The following LIPE variants were observed in gnomAD, a reference collection of about 807,000 sequenced individuals.
The protein encoded by LIPE is lipase E, hormone sensitive type.
A neutral mutation model predicts 88.5 loss-of-function variants in LIPE; 66 were observed. The observed-to-expected ratio is 0.75, with a 90% confidence interval of 0.61 to 0.91. The LOEUF is 0.91. Among genes scored for constraint, LIPE ranks in the 40% least tolerant of loss-of-function variants. The probability of loss-of-function intolerance (pLI) is 0.00; values close to 1 mark genes in which losing one functional copy is unlikely to be tolerated. For synonymous variants in LIPE, 570 were observed against 617.5 expected (o/e 0.92, Z 1.14); for missense variants, 1,346 against 1,434.7 (o/e 0.94, Z 1.00).
In LIPE at chr19:42,405,961, G is replaced by GTCTGTC. The variant is rs1555788409; in HGVS notation, c.2365+199_2365+200insGACAGA. 4.0e-4 allele frequency: 197 copies of GTCTGTC among 491,374 alleles called. 1 individual carries two copies. Among genetic ancestry groups the GTCTGTC allele is most frequent in the African/African-American group, 3.5e-3 (168 of 47,740 alleles). The allele number at this position is 491,374 out of a possible 1,614,324, so 30.4% of individuals were successfully genotyped here. A position where few individuals can be genotyped will look rare whatever the true frequency, so the allele number is the denominator to read the frequency against. On this transcript the variant is annotated intron_variant, in intron 7 of 9. Transcript: ENST00000244289. ...GCGACATGACACCTTGTGTCTGTCT[G>GTCTGTC]TCTCTCTCTCTCTCTCACACACACA... is the stretch of plus-strand genomic sequence containing the variant.
chr19:42,403,361 T>C (rs1433674363), intron 8 of LIPE, among the ~76,000 whole-genome samples: 1 of 151,324 alleles, frequency 6.6e-6, no homozygotes, highest in Non-Finnish European at 1.5e-5. Flanking sequence ...GAAATGAAAA[T>C]AGTCCTTGGT....
intron 1 of LIPE, among the ~76,000 whole-genome samples, chr19:42,413,576 G>C (rs2040428421): frequency 6.6e-6 from 1 of 152,244 alleles, no homozygotes; most frequent in African/African-American, 2.4e-5. Context: ...GGAGGCAGGA[G>C]AATGGTGTGA....
In LIPE at chr19:42,414,456, T is replaced by C. The variant is rs1389403292; in HGVS notation, c.884-3614A>G. ...GAGACATAATTTATAAGTGGGGCCATGGCCGGCATGTTCTGCATGTGGTTT... is the reference window on the plus strand; with the variant it reads ...GAGACATAATTTATAAGTGGGGCCACGGCCGGCATGTTCTGCATGTGGTTT... On this transcript the variant is annotated intron_variant, in intron 1 of 9. Transcript: ENST00000244289. This position sits in a 1 kb window ranked among gnomAD's most constrained non-coding sequence, Gnocchi z 4.6. Among the ~76,000 whole-genome samples the C allele has an allele frequency of 6.6e-6, 1 of 152,242 alleles. No homozygotes were observed. Among genetic ancestry groups the C allele is most frequent in the African/African-American group, 2.4e-5 (1 of 41,470 alleles).
At position 42,407,881 on chromosome 19, in the gene LIPE, G is replaced by A. The variant is rs2040239918; in HGVS notation, c.1657-90C>T. ...CCTCTGATCCCCAGTCTTTCCCCTT[G>A]TGTGCCATCCCTGGGCCTGGAGCCC... On this transcript the variant is annotated intron_variant, in intron 4 of 9. Transcript: ENST00000244289. The surrounding 1 kb of genome is among the most constrained non-coding windows in gnomAD (Gnocchi z 5.8). 1 of 1,560,886 alleles carries A rather than the reference G, an allele frequency of 6.4e-7. No homozygotes were observed. Among genetic ancestry groups the A allele is most frequent in the Non-Finnish European group, 8.7e-7 (1 of 1,154,342 alleles).
In LIPE at chr19:42,410,001, C is replaced by T. The variant is rs548553488; in HGVS notation, c.1419+306G>A. Among the ~76,000 whole-genome samples the T allele has an allele frequency of 1.5e-4, 23 of 152,182 alleles. No homozygotes were observed. The South Asian group carries it at 4.4e-3, about 29-fold the overall frequency. ...TCTCAAACTCAAGTGACTTCAGGGG[C>T]CAGACAGGTAACAAAGAGTGAATAC... On this transcript the variant is annotated intron_variant, in intron 2 of 9. Transcript: ENST00000244289. This position sits in a 1 kb window ranked among gnomAD's most constrained non-coding sequence, Gnocchi z 6.1.
At chr19:42,424,473 G>C (rs1003918453) in intron 1 of LIPE, 4 of 456,348 alleles carry the variant, frequency 8.8e-6, no homozygotes, top group African/African-American at 6.0e-5. Flanking sequence ...GTGCTCTGGA[G>C]GCCTGGAGAA....
rs751852958 is a variant in LIPE, at chr19:42,410,827, T to C, written c.899A>G (p.His300Arg). The change falls in exon 2 of 10, where the codon CAC becomes CGC. Residue 300 changes from histidine (H) to arginine (R), a missense_variant. Physicochemically the swap from His to Arg is conservative, Grantham distance 29 (BLOSUM62 0). Transcript: ENST00000244289. This position sits in a 1 kb window ranked among gnomAD's most constrained non-coding sequence, Gnocchi z 6.1. The stretch of plus-strand genomic sequence containing the variant: ...TGTCATTGTGCGCAGGTCCATGTTG[T>C]GGATGAGCCTTGAGGCTGTGGGCAG... ...HYQDTASRLI[H>R]NMDLRTMTQS... 1 of 1,561,794 alleles carries C rather than the reference T, an allele frequency of 6.4e-7. No homozygotes were observed. The highest frequency in any genetic ancestry group is 8.7e-7 in the Non-Finnish European group (1 of 1,151,110).
chr19:42,424,014 G>A (rs2040658108), intron 1 of LIPE: 4 of 1,179,630 alleles, frequency 3.4e-6, no homozygotes, highest in African/African-American at 3.2e-5. Flanking sequence ...TGGGGTGGGG[G>A]CGGGCCAGGT....
Position 42,408,462 on chromosome 19 carries a change from T to C in LIPE, c.1420-140A>G. 2 of 703,032 alleles carry C rather than the reference T, an allele frequency of 2.8e-6. No homozygotes were observed. The highest frequency in any genetic ancestry group is 5.0e-6 in the Non-Finnish European group (2 of 401,076). 43.5% of individuals were successfully genotyped at this position (703,032 alleles called of 1,614,324 possible). ...GCTCCTACTGTGTGCTGGGCATAGC[T>C]CTCGGCTGGTTCACGGACCTGATGT... is the stretch of plus-strand genomic sequence containing the variant. On this transcript the variant is annotated intron_variant, in intron 2 of 9. Transcript: ENST00000244289. The surrounding 1 kb of genome is among the most constrained non-coding windows in gnomAD (Gnocchi z 4.3).
Position 42,401,852 on chromosome 19 carries a change from C to T in LIPE, c.3191G>A (p.Gly1064Glu), listed in dbSNP as rs572063779. ...PAGAGPSGET[G>E]AAGVDGGCGG... Reference sequence around the variant, plus strand: ...GCAGCCCCCGTCTACCCCCGCAGCCCCCGTCTCCCCGCTCGGCCCGGCTCC... The same window carrying T: ...GCAGCCCCCGTCTACCCCCGCAGCCTCCGTCTCCCCGCTCGGCCCGGCTCC... Residue 1064 changes from glycine (G) to glutamate (E), a missense_variant, in exon 10 of 10, where the codon GGG (glycine) becomes GAG (glutamate). Transcript: ENST00000244289. 3.1e-5 allele frequency: 47 copies of T among 1,523,198 alleles called. No individual in the cohort carries two copies. The African/African-American group carries it at 5.5e-4, about 18-fold the overall frequency. 94.4% of individuals were successfully genotyped at this position (1,523,198 alleles called of 1,614,324 possible). A position where few individuals can be genotyped will look rare whatever the true frequency, so the allele number is the denominator to read the frequency against.
Position 42,403,207 on chromosome 19 carries a change from GTC to G in LIPE, c.2543-178_2543-177del, listed in dbSNP as rs2040047740. 2.0e-5 allele frequency among the ~76,000 whole-genome samples: 3 copies of G among 151,466 alleles called. No individual in the cohort carries two copies. In the South Asian group the frequency reaches 6.3e-4, roughly 32 times the overall value. ...GATGCCCCAGGTGGTCATGGTGGGG[GTC>G]TTGGCAGTGGGGCAGTGTGTTCTAG... On this transcript the variant is annotated intron_variant, in intron 8 of 9. Transcript: ENST00000244289.
At position 42,408,455 on chromosome 19, in the gene LIPE, G is replaced by A. The variant is rs2040263813; in HGVS notation, c.1420-133C>T. ...TTCATGAGCTCCTACTGTGTGCTGG[G>A]CATAGCTCTCGGCTGGTTCACGGAC... On this transcript the variant is annotated intron_variant, in intron 2 of 9. Transcript: ENST00000244289. This position sits in a 1 kb window ranked among gnomAD's most constrained non-coding sequence, Gnocchi z 4.3. The A allele has an allele frequency of 1.4e-6, 1 of 740,408 alleles. No individual in the cohort carries two copies. The highest frequency in any genetic ancestry group is 2.3e-6 in the Non-Finnish European group (1 of 425,598). The allele number at this position is 740,408 out of a possible 1,614,324, so 45.9% of individuals were successfully genotyped here.
intron 1 of LIPE, among the ~76,000 whole-genome samples, chr19:42,417,521 T>A (rs1198739278): frequency 6.6e-6 from 1 of 152,086 alleles, no homozygotes; most frequent in Non-Finnish European, 1.5e-5. Context: ...TGCCTTGGCC[T>A]CTTGAGTAGC....
At chr19:42,423,331 G>A in intron 1 of LIPE, 1 of 1,032,534 alleles carries the variant, frequency 9.7e-7, no homozygotes, top group Non-Finnish European at 1.3e-6. Flanking sequence ...CCAACTCCCT[G>A]TGGCAGTGGG....
chr19:42,423,456 G>C, intron 1 of LIPE: 7 of 1,289,336 alleles, frequency 5.4e-6, no homozygotes, highest in Non-Finnish European at 6.1e-6. Flanking sequence ...GGCGACCGTG[G>C]CTCCTTGAGC....
chr19:42,425,682 C>G (rs914791883), intron 1 of LIPE, among the ~76,000 whole-genome samples: 6 of 152,070 alleles, frequency 3.9e-5, no homozygotes, highest in Admixed American at 3.9e-4. Context: ...CATGGTGGTG[C>G]ACTTGTAGTC....
intron 1 of LIPE, chr19:42,424,244 C>G (rs2040663141): frequency 1.6e-5 from 10 of 627,252 alleles, no homozygotes; most frequent in Non-Finnish European, 2.1e-5. Flanking sequence ...CGCCTGCGCA[C>G]TAGCTTCAGG....
In LIPE at chr19:42,405,447, CA is replaced by C; in HGVS notation, c.2479del (p.Trp827GlyfsTer8). Reference protein sequence around the residue: ...LRDFRLGASSWLNSFLELSGR... With the variant: ...LRDFRLGASSXLNSFLELSGR... ...ACTTAACTCCAGGAAGGAGTTGAGC[CA>C]TGAGGAGGCACCCAGGCGGAAGTCT... On this transcript the variant is annotated frameshift_variant, in exon 8 of 10. Transcript: ENST00000244289. LOFTEE classifies it high-confidence loss of function. 1 of 1,614,016 alleles carries C rather than the reference CA, an allele frequency of 6.2e-7. No homozygotes were observed. Among genetic ancestry groups the C allele is most frequent in the Non-Finnish European group, 8.5e-7 (1 of 1,180,018 alleles).
rs775984730 is a variant in LIPE at position 42,402,740 on chromosome 19, A to G, written c.2834T>C (p.Phe945Ser). Residue 945 changes from phenylalanine (F) to serine (S), a missense_variant, in exon 9 of 10, where the codon TTC becomes TCC. Coordinates refer to ENST00000244289, the MANE Select transcript of LIPE (RefSeq NM_005357.4). Reference sequence around the variant, plus strand: ...ACCCTGGCTGGAGCGTCGGGGGTGGAAACCCTCGGGGAAGGCGGCACGGAC... The same window carrying G: ...ACCCTGGCTGGAGCGTCGGGGGTGGGAACCCTCGGGGAAGGCGGCACGGAC... The part of the protein sequence containing the change: ...LGVRAAFPEG[F>S]HPRRSSQGAT... 1 of 1,568,756 alleles carries G rather than the reference A, an allele frequency of 6.4e-7. No individual in the cohort carries two copies. Among genetic ancestry groups the G allele is most frequent in the Non-Finnish European group, 8.7e-7 (1 of 1,151,556 alleles).
Sources: gnomAD v4.1 joint callset for allele counts (sites outside exome capture counted in the v4.1 genomes callset) on GRCh38, gnomAD v4.1.1 for gene constraint, Gnocchi (gnomAD v3.1) non-coding constraint, MANE v1.5 for transcripts, NCBI Gene and HGNC (gene_info 2026-07-23, HGNC 2026-07-21) for gene names.